Variants in FMN1 observed in about 807,000 individuals in gnomAD.
FMN1 encodes the protein formin-1.
Under a neutral mutation model 132.4 loss-of-function variants are expected in FMN1, and 110 were observed. The ratio of observed to expected loss-of-function variants is 0.83; its 90% CI spans 0.71 to 0.97. The LOEUF (loss-of-function observed/expected upper bound fraction) is 0.97, where lower values mean the gene tolerates loss of function less well. Ranked by LOEUF, FMN1 falls within the 50% of genes least tolerant of loss-of-function variation. The pLI is 0.00. For synonymous variants in FMN1, 722 were observed against 651.7 expected (o/e 1.11, Z -1.64); for missense variants, 1,792 against 1,705.3 (o/e 1.05, Z -0.90).
At chr15:32,887,452 G>A (rs950709370) in intron 16 of FMN1, among the ~76,000 whole-genome samples, 1 of 152,142 alleles carries the variant, frequency 6.6e-6, no homozygotes, top group African/African-American at 2.4e-5. Context: ...TCCTGCCCAA[G>A]TGAGACATAT....
chr15:33,141,668 C>T (rs544762128), intron 4 of FMN1, among the ~76,000 whole-genome samples: 1 of 152,304 alleles, frequency 6.6e-6, no homozygotes, highest in Admixed American at 6.5e-5. Flanking sequence ...TGGTGCTGAG[C>T]TTCCGTACTC....
chr15:33,146,114 T>G (rs1964210520), intron 4 of FMN1, among the ~76,000 whole-genome samples: 1 of 151,990 alleles, frequency 6.6e-6, no homozygotes, highest in African/African-American at 2.4e-5. Flanking sequence ...TAACTGGGAC[T>G]ATACCATGAA....
intron 16 of FMN1, among the ~76,000 whole-genome samples, chr15:32,871,364 T>C (rs2059511908): frequency 6.6e-6 from 1 of 152,198 alleles, no homozygotes; most frequent in Non-Finnish European, 1.5e-5. Flanking sequence ...TTATATTTGA[T>C]AAAGAATTTT....
intron 16 of FMN1, among the ~76,000 whole-genome samples, chr15:32,857,857 C>T (rs915229654): frequency 6.6e-6 from 1 of 152,188 alleles, no homozygotes; most frequent in Non-Finnish European, 1.5e-5. Flanking sequence ...TTCACCATCA[C>T]AAAAGGCAGT....
chr15:33,064,307 C>A (rs1407244980), intron 6 of FMN1: 4 of 152,190 alleles, frequency 2.6e-5, no homozygotes, highest in African/African-American at 4.8e-5. Flanking sequence ...TTCTTAATAT[C>A]TTACATACCC....
intron 17 of FMN1, among the ~76,000 whole-genome samples, chr15:32,844,012 G>C (rs2141227171): frequency 6.6e-6 from 1 of 152,248 alleles, no homozygotes; most frequent in African/African-American, 2.4e-5. Context: ...TAAAAAAACT[G>C]GGAGGGAAAG....
rs144092853 is a variant in FMN1, at chr15:32,910,791, A to G, written c.3227-256T>C. Among the ~76,000 whole-genome samples the G allele has an allele frequency of 5.4e-3, 826 of 152,316 alleles. 8 individuals carry two copies. The Middle Eastern group carries it at 0.061, about 11-fold the overall frequency. On this transcript the variant is annotated intron_variant, in intron 10 of 20. Transcript: ENST00000616417. Reference sequence around the variant, plus strand: ...CTGAGTCCTTTCTGCAGTTTAATTTAGGCTCCACAGGAGAAGTGTTTGTGC... The same window carrying G: ...CTGAGTCCTTTCTGCAGTTTAATTTGGGCTCCACAGGAGAAGTGTTTGTGC...
chr15:32,778,738 AAC>A (rs1284075475), intron 19 of FMN1, among the ~76,000 whole-genome samples: 1 of 152,138 alleles, frequency 6.6e-6, no homozygotes, highest in African/African-American at 2.4e-5. Context: ...TGCTTTGGAA[AAC>A]AGTTTGGCCG....
chr15:32,922,525 G>T (rs2060855893), intron 10 of FMN1, among the ~76,000 whole-genome samples: 1 of 152,162 alleles, frequency 6.6e-6, no homozygotes, highest in South Asian at 2.1e-4. Flanking sequence ...TTCCTGAATG[G>T]AGAGTGTAGG....
chr15:32,811,370 A>G (rs1301370998), intron 17 of FMN1, among the ~76,000 whole-genome samples: 1 of 152,130 alleles, frequency 6.6e-6, no homozygotes, highest in Non-Finnish European at 1.5e-5. Context: ...GTAAAGTGTT[A>G]TGAGGTTGTA....
rs1168100095 is a variant in FMN1 at position 32,769,547 on chromosome 15, A to G, written c.*4763T>C. On this transcript the variant is annotated 3_prime_UTR_variant, in exon 21 of 21. Coordinates refer to ENST00000616417, the MANE Select transcript of FMN1 (RefSeq NM_001277313.2). ...ATATCATTATGTAAGTCTAAAGAAG[A>G]AAGATATGCTAAGTCAAGTATTTGA... 2.0e-5 allele frequency: 3 copies of G among 152,384 alleles called. No individual in the cohort carries two copies. Among genetic ancestry groups the G allele is most frequent in the East Asian group, 3.9e-4 (2 of 5,194 alleles). The allele number at this position is 152,384 out of a possible 1,614,324, so 9.4% of individuals were successfully genotyped here.
chr15:32,891,442 C>T (rs1420781186), intron 15 of FMN1, among the ~76,000 whole-genome samples: 1 of 152,180 alleles, frequency 6.6e-6, no homozygotes, highest in Non-Finnish European at 1.5e-5. Context: ...CGGGGTTTCA[C>T]CATGTTAGCC....
chr15:32,952,609 AAC>A (rs2061678504), intron 9 of FMN1, among the ~76,000 whole-genome samples: 1 of 152,196 alleles, frequency 6.6e-6, no homozygotes. Flanking sequence ...GAAGTTGTAC[AAC>A]AGAGTCCACA....
chr15:33,035,664 C>T (rs2036157205), intron 6 of FMN1, among the ~76,000 whole-genome samples: 1 of 152,174 alleles, frequency 6.6e-6, no homozygotes, highest in Non-Finnish European at 1.5e-5. Context: ...CTGCAACCAG[C>T]CCTGCTATCA....
chr15:32,867,387 A>G (rs1319762869), intron 16 of FMN1, among the ~76,000 whole-genome samples: 2 of 151,966 alleles, frequency 1.3e-5, no homozygotes, highest in Non-Finnish European at 2.9e-5. Context: ...CCATTCCTCA[A>G]ACATGCTCAC....
Position 33,154,496 on chromosome 15 carries a change from T to C in FMN1, c.419A>G (p.Gln140Arg), listed in dbSNP as rs1349853086. 8 of 1,535,792 alleles carry C rather than the reference T, an allele frequency of 5.2e-6. No homozygotes were observed. Among genetic ancestry groups the C allele is most frequent in the Non-Finnish European group, 7.0e-6 (8 of 1,146,912 alleles). The change falls in exon 4 of 21, where the codon CAG becomes CGG. Residue 140 changes from glutamine (Q) to arginine (R), a missense_variant. Gln to Arg is a conservative substitution (Grantham distance 43). Around this residue, in one of 3 missense-constraint regions of FMN1, gnomAD observed 638 missense variants for 645.2 expected, o/e 0.99. Transcript: ENST00000616417. ...DDCFQSAGDW[Q>R]GELPVGPLNK... is the part of the protein sequence containing the mutation. ...GAGAGGGCCCACGGGGAGCTCTCCCTGCCAGTCACCAGCACTCTGGAAACA... is the reference window on the plus strand; with the variant it reads ...GAGAGGGCCCACGGGGAGCTCTCCCCGCCAGTCACCAGCACTCTGGAAACA...
At chr15:33,021,892 G>C (rs1351272128) in intron 6 of FMN1, among the ~76,000 whole-genome samples, 1 of 152,144 alleles carries the variant, frequency 6.6e-6, no homozygotes, top group Non-Finnish European at 1.5e-5. Context: ...GTCAACAACA[G>C]TTAAATAATG....
intron 6 of FMN1, among the ~76,000 whole-genome samples, chr15:33,048,244 G>A (rs1424804188): frequency 6.6e-6 from 1 of 152,116 alleles, no homozygotes; most frequent in Non-Finnish European, 1.5e-5. Context: ...CTATTTTGGA[G>A]CATAAGATTC....
rs869111673 is a variant in FMN1 at position 32,957,298 on chromosome 15, C to CTTTTTTTTTTTT, written c.3138+6797_3138+6808dup. ...AATTGGAAAGTTTATCAGAGCAGTT[C>CTTTTTTTTTTTT]TTTTTTTTTTTTTTTTTTTTTTTTT... On this transcript the variant is annotated intron_variant, in intron 9 of 20. Coordinates refer to ENST00000616417, the MANE Select transcript of FMN1 (RefSeq NM_001277313.2). 1.1e-4 allele frequency among the ~76,000 whole-genome samples: 9 copies of CTTTTTTTTTTTT among 84,194 alleles called. 2 individuals are homozygous for CTTTTTTTTTTTT. The highest frequency in any genetic ancestry group is 3.6e-4 in the African/African-American group (8 of 22,106). 55.2% of individuals were successfully genotyped at this position (84,194 alleles called of 152,430 possible).
Sources: allele counts gnomAD v4.1 joint callset (sites outside exome capture counted in the v4.1 genomes callset), GRCh38; gene constraint gnomAD v4.1.1; regional missense constraint gnomAD v4.1.1; transcripts MANE v1.5; gene names NCBI Gene and HGNC (gene_info 2026-07-23, HGNC 2026-07-21).